STXBP5L: variants seen among roughly 807,000 people sequenced by gnomAD.
STXBP5L encodes syntaxin binding protein 5L, also known as syntaxin-binding protein 5-like.
Under a neutral mutation model 144.5 loss-of-function variants are expected in STXBP5L, and 65 were observed. The observed-to-expected ratio is 0.45, with a 90% CI of 0.37 to 0.55. STXBP5L has a LOEUF of 0.55. Ranked by LOEUF, STXBP5L falls within the 20% of genes least tolerant of loss-of-function variation. The pLI, the probability that STXBP5L is intolerant of heterozygous loss-of-function variation, is 0.00. For missense variants in STXBP5L, 1,298 were observed against 1,405.5 expected (o/e 0.92, Z 1.22); for synonymous variants, 505 against 469.6 (o/e 1.08, Z -0.97).
At chr3:121,112,130 T>TC (rs1202851924) in intron 5 of STXBP5L, among the ~76,000 whole-genome samples, 1 of 151,254 alleles carries the variant, frequency 6.6e-6, no homozygotes, top group Non-Finnish European at 1.5e-5. Context: ...CTGCCACCCC[T>TC]CCCCCCAGGA....
Position 121,424,329 on chromosome 3 carries a change from T to C in STXBP5L, c.*5232T>C, listed in dbSNP as rs1439600208. On this transcript the variant is annotated 3_prime_UTR_variant, in exon 27 of 27. Coordinates refer to ENST00000471454, the MANE Select transcript of STXBP5L (RefSeq NM_001308330.2). ...GGAAAAGAATACCTGTAACTTCCTA[T>C]ATGACATCCAGTGCCCTGAAAGGGT... 1 of 152,228 alleles carries C rather than the reference T, an allele frequency of 6.6e-6. No individual in the cohort carries two copies. Among genetic ancestry groups the C allele is most frequent in the South Asian group, 2.1e-4 (1 of 4,836 alleles). The allele number at this position is 152,228 out of a possible 1,614,324, so 9.4% of individuals were successfully genotyped here. A position where few individuals can be genotyped will look rare whatever the true frequency, so the allele number is the denominator to read the frequency against.
In STXBP5L at chr3:121,022,719, A is replaced by G. The variant is rs191918602; in HGVS notation, c.288-18981A>G. On this transcript the variant is annotated intron_variant, in intron 3 of 26. Transcript: ENST00000471454. ...TGACAAAATCCAGCACCGCTTTATG[A>G]TTAAAACCCTCAGTAAAATTGGCAG... Among the ~76,000 whole-genome samples, 263 of 152,304 alleles carry G rather than the reference A, an allele frequency of 1.7e-3. 1 individual carries two copies. The highest frequency in any genetic ancestry group is 5.5e-3 in the African/African-American group (229 of 41,558).
At chr3:121,325,541 T>G (rs921630500) in intron 20 of STXBP5L, among the ~76,000 whole-genome samples, 1 of 152,036 alleles carries the variant, frequency 6.6e-6, no homozygotes, top group Admixed American at 6.6e-5. Flanking sequence ...AAATGAAAAG[T>G]AGCTGAGCTG....
intron 20 of STXBP5L, among the ~76,000 whole-genome samples, chr3:121,342,648 C>T (rs1000338453): frequency 3.3e-5 from 5 of 151,890 alleles, no homozygotes; most frequent in African/African-American, 1.2e-4. Flanking sequence ...TTTCCAATTT[C>T]ATCCATGTCC....
chr3:121,161,747 G>A (rs1179713349), intron 9 of STXBP5L, among the ~76,000 whole-genome samples: 1 of 151,984 alleles, frequency 6.6e-6, no homozygotes. Flanking sequence ...AGTTACATAT[G>A]CAATCATACA....
chr3:121,096,019 A>C (rs2043105601), intron 5 of STXBP5L, among the ~76,000 whole-genome samples: 1 of 152,036 alleles, frequency 6.6e-6, no homozygotes, highest in South Asian at 2.1e-4. Flanking sequence ...TGGGCTAGGA[A>C]GTGCAATTCC....
At chr3:121,174,651 G>C (rs1460459452) in intron 9 of STXBP5L, among the ~76,000 whole-genome samples, 1 of 152,130 alleles carries the variant, frequency 6.6e-6, no homozygotes, top group South Asian at 2.1e-4. Flanking sequence ...ATTTCTGAAA[G>C]TTGAATATGG....
intron 5 of STXBP5L, among the ~76,000 whole-genome samples, chr3:121,062,160 C>G (rs2041314359): frequency 6.6e-6 from 1 of 152,120 alleles, no homozygotes. Flanking sequence ...GGCAAAGCCG[C>G]CAGGAAGCTT....
intron 3 of STXBP5L, among the ~76,000 whole-genome samples, chr3:121,035,517 G>A (rs929730676): frequency 1.3e-5 from 2 of 152,114 alleles, no homozygotes. Context: ...TCAGTTGGGT[G>A]TAGATATGTG....
At chr3:120,995,840 C>G (rs1246260568) in intron 3 of STXBP5L, among the ~76,000 whole-genome samples, 1 of 152,074 alleles carries the variant, frequency 6.6e-6, no homozygotes, top group South Asian at 2.1e-4. Flanking sequence ...ATTTTCCACC[C>G]GTTCTTATGT....
intron 5 of STXBP5L, among the ~76,000 whole-genome samples, chr3:121,067,702 AC>A (rs1191390019): frequency 1.3e-5 from 2 of 152,122 alleles, no homozygotes; most frequent in East Asian, 3.8e-4. Context: ...TTAAGAGAGG[AC>A]CGTTAAAAGC....
intron 7 of STXBP5L, among the ~76,000 whole-genome samples, chr3:121,147,775 C>T (rs2107967646): frequency 6.6e-6 from 1 of 152,270 alleles, no homozygotes; most frequent in East Asian, 1.9e-4. Context: ...TGGGTCTCAT[C>T]AATCAGCTGA....
At chr3:120,999,255 GT>G (rs1292448769) in intron 3 of STXBP5L, among the ~76,000 whole-genome samples, 98 of 152,250 alleles carry the variant, frequency 6.4e-4, no homozygotes, top group African/African-American at 2.3e-3. Context: ...GTTTCACCGT[GT>G]TGGCCAGGCT....
intron 3 of STXBP5L, among the ~76,000 whole-genome samples, chr3:121,039,482 T>C (rs977179375): frequency 6.6e-6 from 1 of 151,956 alleles, no homozygotes; most frequent in African/African-American, 2.4e-5. Context: ...TAAATTATTT[T>C]TTAAAGATAA....
At chr3:121,036,117 G>C (rs1946735205) in intron 3 of STXBP5L, among the ~76,000 whole-genome samples, 1 of 152,098 alleles carries the variant, frequency 6.6e-6, no homozygotes, top group Non-Finnish European at 1.5e-5. Flanking sequence ...CAGATCACTT[G>C]AGGTCAGGAG....
At chr3:121,324,008 A>G (rs1559976367) in intron 20 of STXBP5L, among the ~76,000 whole-genome samples, 1 of 152,166 alleles carries the variant, frequency 6.6e-6, no homozygotes, top group Non-Finnish European at 1.5e-5. Flanking sequence ...TTGGATTAAT[A>G]TCTTTTTCTA....
chr3:121,003,022 G>T (rs571499338), intron 3 of STXBP5L, among the ~76,000 whole-genome samples: 1 of 152,302 alleles, frequency 6.6e-6, no homozygotes, highest in Admixed American at 6.5e-5. Flanking sequence ...ACATACGTGT[G>T]CATGTGTCTT....
intron 20 of STXBP5L, among the ~76,000 whole-genome samples, chr3:121,333,082 G>C (rs1055456238): frequency 1.3e-5 from 2 of 152,010 alleles, no homozygotes; most frequent in Non-Finnish European, 2.9e-5. Flanking sequence ...ATGCTAAAAG[G>C]GGGCAAAATC....
intron 3 of STXBP5L, among the ~76,000 whole-genome samples, chr3:120,967,252 C>T (rs1026706305): frequency 4.6e-5 from 7 of 152,196 alleles, no homozygotes; most frequent in Admixed American, 3.9e-4. Context: ...CCTTGCACTT[C>T]CTGGGTGAGA....
Sources: allele counts gnomAD v4.1 joint callset (sites outside exome capture counted in the v4.1 genomes callset), GRCh38; gene constraint gnomAD v4.1.1; transcripts MANE v1.5; gene names NCBI Gene and HGNC (gene_info 2026-07-23, HGNC 2026-07-21).